Variants in KLHL32 observed in about 807,000 individuals in gnomAD.
The protein encoded by KLHL32 is kelch-like protein 32.
Under a neutral mutation model 64.8 loss-of-function variants are expected in KLHL32, and 35 were observed. The ratio of observed to expected loss-of-function variants is 0.54; its 90% CI spans 0.41 to 0.72. KLHL32 has a LOEUF of 0.72. Among genes scored for constraint, KLHL32 ranks in the 30% least tolerant of loss-of-function variants. The probability of loss-of-function intolerance (pLI) is 0.00; values close to 1 mark genes in which losing one functional copy is unlikely to be tolerated. For missense variants in KLHL32, 589 were observed against 768.5 expected, an observed-to-expected ratio of 0.77 and a Z score of 2.76; for synonymous variants, 259 against 281.0, an observed-to-expected ratio of 0.92 and a Z score of 0.78.
chr6:97,019,358 T>A lies in KLHL32; in HGVS notation c.205-22134T>A, dbSNP rs541911585. ...AGGTAAAGAAGGCAGGAAGGAGAAG[T>A]TGGTCTTCAATGCAAGCCCAACGAC... On this transcript the variant is annotated intron_variant, in intron 3 of 10. Transcript: ENST00000369261. Among the ~76,000 whole-genome samples the A allele has an allele frequency of 8.5e-5, 13 of 152,240 alleles. No individual in the cohort carries two copies. In the East Asian group the frequency reaches 2.3e-3, roughly 27 times the overall value.
intron 7 of KLHL32, among the ~76,000 whole-genome samples, chr6:97,121,280 A>G (rs1258602920): frequency 6.6e-6 from 1 of 152,216 alleles, no homozygotes; most frequent in African/African-American, 2.4e-5. Flanking sequence ...GTTGTTTATC[A>G]TGACAGTGAA....
At chr6:97,127,341 C>A in intron 7 of KLHL32, 63 bp from the exon 8 acceptor site, 1 of 1,345,076 alleles carries the variant, frequency 7.4e-7, no homozygotes, top group Non-Finnish European at 1.1e-6. Flanking sequence ...GTATCTCATT[C>A]TTATGTTGGA....
At chr6:97,023,347 A>C (rs1782276532) in intron 3 of KLHL32, among the ~76,000 whole-genome samples, 1 of 152,254 alleles carries the variant, frequency 6.6e-6, no homozygotes, top group African/African-American at 2.4e-5. Flanking sequence ...ATAAGCTGAC[A>C]ATCTATAAAC....
chr6:97,128,440 G>C (rs939602787), intron 8 of KLHL32, among the ~76,000 whole-genome samples: 10 of 152,224 alleles, frequency 6.6e-5, no homozygotes, highest in African/African-American at 2.4e-4. Context: ...GAGGAAGAAG[G>C]TGTTAACATT....
chr6:97,135,406 A>G (rs1799892617), intron 10 of KLHL32, among the ~76,000 whole-genome samples: 1 of 146,632 alleles, frequency 6.8e-6, no homozygotes, highest in African/African-American at 2.5e-5. Flanking sequence ...CCTGGGTTCA[A>G]GTCATTCTCC....
At chr6:97,085,971 C>T (rs1014825643) in intron 6 of KLHL32, among the ~76,000 whole-genome samples, 2 of 152,160 alleles carry the variant, frequency 1.3e-5, no homozygotes, top group African/African-American at 4.8e-5. Flanking sequence ...GTTGATTATT[C>T]AATTAAATCC....
intron 4 of KLHL32, among the ~76,000 whole-genome samples, chr6:97,052,887 T>C (rs1231237753): frequency 6.6e-6 from 1 of 152,260 alleles, no homozygotes; most frequent in Non-Finnish European, 1.5e-5. Context: ...TTAGAAGTAT[T>C]ATCAAGCAAA....
chr6:97,107,247 C>T (rs920752975), intron 6 of KLHL32, among the ~76,000 whole-genome samples: 19 of 151,494 alleles, frequency 1.3e-4, no homozygotes, highest in African/African-American at 4.1e-4. Flanking sequence ...GAGCCGAGAT[C>T]GCGCCACTGC....
Position 97,002,873 on chromosome 6 carries a change from ACTACATTTC to A in KLHL32, c.204+26699_204+26707del, listed in dbSNP as rs1351140938. On this transcript the variant is annotated intron_variant, in intron 3 of 10. Transcript: ENST00000369261. ...AGTACATATTCCATGGTGAATATGT[ACTACATTTC>A]CTTTATTTAGTCTACTGTTAATGGG... Among the ~76,000 whole-genome samples, 3 of 152,332 alleles carry A rather than the reference ACTACATTTC, an allele frequency of 2.0e-5. No individual in the cohort carries two copies. In the East Asian group the frequency reaches 5.8e-4, roughly 29 times the overall value.
At chr6:97,131,000 C>A in intron 9 of KLHL32, 51 bp downstream of exon 9, 1 of 1,532,974 alleles carries the variant, frequency 6.5e-7, no homozygotes, top group Non-Finnish European at 8.9e-7. Context: ...AAGAAGTCAC[C>A]AAACTTGTTT....
chr6:96,934,118 A>T (rs61564418), intron 1 of KLHL32, among the ~76,000 whole-genome samples: 3,171 of 152,274 alleles, frequency 0.021, 119 homozygotes, highest in African/African-American at 0.073. Context: ...GCATTGTAGG[A>T]CCTTGCGTCA....
intron 8 of KLHL32, among the ~76,000 whole-genome samples, chr6:97,130,382 C>G (rs1161029167): frequency 6.6e-6 from 1 of 152,178 alleles, no homozygotes; most frequent in Non-Finnish European, 1.5e-5. Context: ...CATTGCACCA[C>G]TGTATATAGT....
intron 5 of KLHL32, among the ~76,000 whole-genome samples, chr6:97,072,906 C>T (rs1266257690): frequency 6.6e-5 from 10 of 152,134 alleles, no homozygotes; most frequent in Admixed American, 5.2e-4. Flanking sequence ...TGTGTGATGT[C>T]GGACAAGTTA....
intron 3 of KLHL32, among the ~76,000 whole-genome samples, chr6:97,014,686 C>A (rs1447684189): frequency 1.3e-5 from 2 of 152,128 alleles, no homozygotes; most frequent in East Asian, 3.9e-4. Context: ...ATTTTGTGTT[C>A]ATGAAAACTG....
intron 2 of KLHL32, among the ~76,000 whole-genome samples, chr6:96,970,614 A>G (rs1233971684): frequency 6.6e-6 from 1 of 152,226 alleles, no homozygotes; most frequent in Non-Finnish European, 1.5e-5. Flanking sequence ...TTTTATCCCC[A>G]GTACCCAGCA....
intron 3 of KLHL32, among the ~76,000 whole-genome samples, chr6:97,019,002 A>C (rs182330345): frequency 6.6e-6 from 1 of 152,202 alleles, no homozygotes; most frequent in Admixed American, 6.5e-5. Flanking sequence ...AATTACAAAA[A>C]TGATAGTTAA....
At chr6:97,040,059 A>T (rs932825220) in intron 3 of KLHL32, among the ~76,000 whole-genome samples, 1 of 152,278 alleles carries the variant, frequency 6.6e-6, no homozygotes, top group Non-Finnish European at 1.5e-5. Flanking sequence ...TAAAAGATGA[A>T]TATTGATACA....
intron 3 of KLHL32, among the ~76,000 whole-genome samples, chr6:97,034,523 A>AT (rs987410098): frequency 1.7e-4 from 25 of 150,222 alleles, no homozygotes; most frequent in African/African-American, 3.4e-4. Flanking sequence ...TGATTTTAGC[A>AT]TTTTTTTTTC....
At position 97,041,777 on chromosome 6, in the gene KLHL32, T is replaced by G. The variant is rs138874000; in HGVS notation, c.312+178T>G. ...TTATGGAAAGGTAAGTAAAGCAATT[T>G]GATTTTTTAATATGATCCAGTGAAC... On this transcript the variant is annotated intron_variant, in intron 4 of 10. Transcript: ENST00000369261. 8.9e-4 allele frequency among the ~76,000 whole-genome samples: 135 copies of G among 152,366 alleles called. 2 individuals carry two copies. The East Asian group carries it at 0.019, about 22-fold the overall frequency.
Sources: allele counts gnomAD v4.1 joint callset (sites outside exome capture counted in the v4.1 genomes callset), GRCh38; gene constraint gnomAD v4.1.1; transcripts MANE v1.5; gene names NCBI Gene and HGNC (gene_info 2026-07-23, HGNC 2026-07-21).